The following NRXN1 variants were observed in gnomAD, a reference collection of about 807,000 sequenced individuals.
The protein encoded by NRXN1 is neurexin-1.
NRXN1 carries 39 observed loss-of-function variants against 150.9 expected under a neutral mutation model. The ratio of observed to expected loss-of-function variants is 0.26; its 90% CI spans 0.20 to 0.34. The LOEUF is 0.34. Among genes scored for constraint, NRXN1 ranks in the 10% least tolerant of loss-of-function variants. The pLI is 1.00. For missense variants in NRXN1, 1,815 were observed against 1,949.9 expected, an observed-to-expected ratio of 0.93 and a Z score of 1.30; for synonymous variants, 924 against 757.0, an observed-to-expected ratio of 1.22 and a Z score of -3.62.
At chr2:50,538,858 G>T (rs1458301688) in intron 9 of NRXN1, among the ~76,000 whole-genome samples, 1 of 144,826 alleles carries the variant, frequency 6.9e-6, no homozygotes, top group East Asian at 1.9e-4. Context: ...TTGAACTCGA[G>T]AATGGAAACC....
intron 21 of NRXN1, among the ~76,000 whole-genome samples, chr2:49,964,580 C>G (rs1466521826): frequency 6.6e-6 from 1 of 151,842 alleles, no homozygotes; most frequent in Non-Finnish European, 1.5e-5. Context: ...TGGCTCACAT[C>G]TGTAATCCCA....
At chr2:50,850,275 T>C (rs1480163702) in intron 5 of NRXN1, among the ~76,000 whole-genome samples, 1 of 151,972 alleles carries the variant, frequency 6.6e-6, no homozygotes, top group East Asian at 1.9e-4. Flanking sequence ...TTGCTGTTGT[T>C]TGTTTGTTTT....
At chr2:50,495,019 A>C (rs983003884) in intron 15 of NRXN1, among the ~76,000 whole-genome samples, 1 of 150,714 alleles carries the variant, frequency 6.6e-6, no homozygotes. Context: ...TGACGGAGCA[A>C]GACTCTGTCT....
intron 21 of NRXN1, among the ~76,000 whole-genome samples, chr2:50,018,140 T>A (rs1686953844): frequency 6.6e-6 from 1 of 152,086 alleles, no homozygotes; most frequent in Non-Finnish European, 1.5e-5. Context: ...ACATTTTGAG[T>A]CTGGCAGAAT....
At chr2:50,855,032 A>C (rs1281969285) in intron 5 of NRXN1, among the ~76,000 whole-genome samples, 5 of 152,016 alleles carry the variant, frequency 3.3e-5, no homozygotes, top group Non-Finnish European at 1.5e-5. Flanking sequence ...AATTATTCTT[A>C]TATTGGAGTA....
At chr2:50,198,736 G>C (rs2061938205) in intron 18 of NRXN1, among the ~76,000 whole-genome samples, 1 of 152,084 alleles carries the variant, frequency 6.6e-6, no homozygotes, top group South Asian at 2.1e-4. Context: ...TTATCCCTTA[G>C]TATGGATCAG....
chr2:50,968,143 G>GAA (rs1558507097), intron 2 of NRXN1, among the ~76,000 whole-genome samples: 1 of 152,046 alleles, frequency 6.6e-6, no homozygotes, highest in East Asian at 1.9e-4. Context: ...AAACTTTTCA[G>GAA]AAAGTTTGGT....
intron 2 of NRXN1, among the ~76,000 whole-genome samples, chr2:51,002,168 AATACCT>A (rs1380964286): frequency 6.6e-6 from 1 of 151,984 alleles, no homozygotes; most frequent in Admixed American, 6.6e-5. Context: ...ACGTATATGA[AATACCT>A]TGTATGCTTT....
chr2:50,715,940 TCAAA>T (rs1258963727), intron 5 of NRXN1, among the ~76,000 whole-genome samples: 2 of 152,192 alleles, frequency 1.3e-5, no homozygotes, highest in Non-Finnish European at 2.9e-5. Context: ...AGTTATCTTT[TCAAA>T]CAAAGTTTAT....
intron 18 of NRXN1, among the ~76,000 whole-genome samples, chr2:50,140,141 C>T (rs1707055005): frequency 2.0e-5 from 3 of 152,062 alleles, no homozygotes; most frequent in South Asian, 2.1e-4. Flanking sequence ...AAAATATATA[C>T]AGCATGAAAG....
At chr2:50,435,150 CAG>C (rs2085317890) in intron 17 of NRXN1, among the ~76,000 whole-genome samples, 1 of 152,024 alleles carries the variant, frequency 6.6e-6, no homozygotes. Context: ...CTAAGTTTAG[CAG>C]AGAGAGTTGG....
intron 8 of NRXN1, among the ~76,000 whole-genome samples, chr2:50,567,272 C>T (rs1670017443): frequency 6.6e-6 from 1 of 152,180 alleles, no homozygotes; most frequent in South Asian, 2.1e-4. Flanking sequence ...ACATTCAACA[C>T]ATCAGTTTTC....
At chr2:50,826,619 G>A (rs1237883110) in intron 5 of NRXN1, among the ~76,000 whole-genome samples, 1 of 152,110 alleles carries the variant, frequency 6.6e-6, no homozygotes, top group Non-Finnish European at 1.5e-5. Flanking sequence ...GTTTTAAAGT[G>A]CGGTTCAGTG....
intron 8 of NRXN1, among the ~76,000 whole-genome samples, chr2:50,614,839 T>C (rs1365436943): frequency 6.6e-6 from 1 of 151,494 alleles, no homozygotes; most frequent in Admixed American, 6.6e-5. Context: ...AAACTTTCTC[T>C]GTTGTCCAAA....
chr2:50,833,359 T>C lies in NRXN1; in HGVS notation c.832+88510A>G, dbSNP rs543476033. The stretch of plus-strand genomic sequence containing the variant: ...TATCCAAGAAAAATGAAAGCATGTA[T>C]CCAGAGAAAGATTTGTATATGAATG... On this transcript the variant is annotated intron_variant, in intron 5 of 22. Coordinates refer to ENST00000401669, the MANE Select transcript of NRXN1 (RefSeq NM_001330078.2). 2.6e-5 allele frequency among the ~76,000 whole-genome samples: 4 copies of C among 152,270 alleles called. No individual in the cohort carries two copies. In the South Asian group the frequency reaches 6.2e-4, roughly 24 times the overall value.
chr2:50,565,573 T>C (rs528905014), intron 8 of NRXN1, among the ~76,000 whole-genome samples: 3 of 152,288 alleles, frequency 2.0e-5, no homozygotes, highest in South Asian at 4.1e-4. Flanking sequence ...TTCTGAGTTC[T>C]GAAAAGTCCT....
At chr2:50,865,775 C>A (rs1187075883) in intron 5 of NRXN1, among the ~76,000 whole-genome samples, 8 of 132,720 alleles carry the variant, frequency 6.0e-5, no homozygotes, top group Admixed American at 3.5e-4. Context: ...GTACATACAT[C>A]TACTATTAAC....
chr2:50,495,346 G>A (rs931665824), intron 15 of NRXN1, among the ~76,000 whole-genome samples: 16 of 22,902 alleles, frequency 7.0e-4, no homozygotes, highest in Middle Eastern at 0.028. Context: ...GAAGCATTCC[G>A]TGTGTGTGTG....
chr2:50,469,280 C>T (rs1056004994), intron 16 of NRXN1, among the ~76,000 whole-genome samples: 5 of 151,602 alleles, frequency 3.3e-5, no homozygotes, highest in Admixed American at 2.0e-4. Flanking sequence ...GGTTAAAATC[C>T]GTACTCTAGC....
Sources: gnomAD v4.1 joint callset for allele counts (sites outside exome capture counted in the v4.1 genomes callset) on GRCh38, gnomAD v4.1.1 for gene constraint, MANE v1.5 for transcripts, NCBI Gene and HGNC (gene_info 2026-07-23, HGNC 2026-07-21) for gene names.